The following ARHGAP17 variants were observed in gnomAD, a reference collection of about 807,000 sequenced individuals.
The protein encoded by ARHGAP17 is rho GTPase-activating protein 17.
Under a neutral mutation model 99.5 loss-of-function variants are expected in ARHGAP17, and 57 were observed. That is an observed-to-expected ratio of 0.57 (90% CI 0.46 to 0.71). The LOEUF (loss-of-function observed/expected upper bound fraction) is 0.71, where lower values mean the gene tolerates loss of function less well. Among genes scored for constraint, ARHGAP17 ranks in the 30% least tolerant of loss-of-function variants. The probability of loss-of-function intolerance (pLI) is 0.00; values close to 1 mark genes in which losing one functional copy is unlikely to be tolerated. For missense variants in ARHGAP17, 1,000 were observed against 1,122.4 expected, an observed-to-expected ratio of 0.89 and a Z score of 1.56; for synonymous variants, 417 against 429.6, an observed-to-expected ratio of 0.97 and a Z score of 0.36.
chr16:24,920,508 G>A, intron 19 of ARHGAP17: 1 of 414,680 alleles, frequency 2.4e-6, no homozygotes, highest in Non-Finnish European at 4.4e-6. Context: ...AGCAGCCCTT[G>A]GAGATGCAGC....
At chr16:24,953,066 G>C in intron 10 of ARHGAP17, 24 bp from the exon 11 acceptor site, 5 of 1,608,706 alleles carry the variant, frequency 3.1e-6, no homozygotes, top group Non-Finnish European at 4.3e-6. Context: ...AAAGCCATCA[G>C]CATCAAGTGC....
chr16:24,953,444 A>C (rs905811684), intron 10 of ARHGAP17, among the ~76,000 whole-genome samples: 1 of 152,166 alleles, frequency 6.6e-6, no homozygotes. Flanking sequence ...TGACTGGATC[A>C]TGGGGGTGGA....
intron 13 of ARHGAP17, 88 bp downstream of exon 13, chr16:24,949,316 G>C: frequency 1.0e-6 from 1 of 1,003,816 alleles, no homozygotes; most frequent in Admixed American, 2.6e-5. Context: ...GTTTTTTAAT[G>C]TGCCAAGTAT....
intron 1 of ARHGAP17, among the ~76,000 whole-genome samples, chr16:24,985,960 A>C (rs1455141355): frequency 6.6e-6 from 1 of 152,178 alleles, no homozygotes; most frequent in Non-Finnish European, 1.5e-5. Context: ...ACATTAACCT[A>C]TTCTGTGGAT....
At chr16:24,976,259 G>A (rs1280657297) in intron 3 of ARHGAP17, among the ~76,000 whole-genome samples, 1 of 152,220 alleles carries the variant, frequency 6.6e-6, no homozygotes, top group Non-Finnish European at 1.5e-5. Context: ...AAGTATGGTG[G>A]CTCATGCCTG....
chr16:24,973,918 T>A (rs1472466039), intron 3 of ARHGAP17, among the ~76,000 whole-genome samples: 1 of 152,172 alleles, frequency 6.6e-6, no homozygotes, highest in Admixed American at 6.5e-5. Context: ...ATTTGGGGAC[T>A]GGTGAGTGTT....
intron 19 of ARHGAP17, among the ~76,000 whole-genome samples, chr16:24,922,954 A>C (rs2050753554): frequency 6.6e-6 from 1 of 152,126 alleles, no homozygotes; most frequent in Admixed American, 6.6e-5. Flanking sequence ...TGGGATTACC[A>C]GCATGAGCCA....
At chr16:24,974,773 A>G (rs144132228) in intron 3 of ARHGAP17, among the ~76,000 whole-genome samples, 1 of 152,342 alleles carries the variant, frequency 6.6e-6, no homozygotes, top group East Asian at 1.9e-4. Context: ...TAGAGATGCA[A>G]TGGAGATGAG....
intron 9 of ARHGAP17, chr16:24,956,150 C>G (rs1452489875): frequency 6.6e-6 from 1 of 152,224 alleles, no homozygotes; most frequent in Non-Finnish European, 1.5e-5. Flanking sequence ...TGGAATCACC[C>G]AGGGGGGTTC....
At chr16:24,949,868 A>G (rs2051582720) in intron 12 of ARHGAP17, among the ~76,000 whole-genome samples, 1 of 152,206 alleles carries the variant, frequency 6.6e-6, no homozygotes. Flanking sequence ...CAGCCCAGCC[A>G]CAGATCAGGG....
rs1034092849 is a variant in ARHGAP17 at position 24,954,522 on chromosome 16, G to A, written c.852+81C>T. 3 of 1,524,284 alleles carry A rather than the reference G, an allele frequency of 2.0e-6. No individual in the cohort carries two copies. The African/African-American group carries it at 4.1e-5, about 21-fold the overall frequency. 94.4% of individuals were successfully genotyped at this position (1,524,284 alleles called of 1,614,324 possible). On this transcript the variant is annotated intron_variant, in intron 10 of 19. Transcript: ENST00000289968. ...TGTATAACTAAGCAGGGGTGGACAG[G>A]GGGCTGGCGGGGAGCATGGTGCTCT...
chr16:25,008,800 A>C (rs534373289), intron 1 of ARHGAP17, among the ~76,000 whole-genome samples: 33 of 152,276 alleles, frequency 2.2e-4, no homozygotes, highest in African/African-American at 7.2e-4. Flanking sequence ...TACAGATGAA[A>C]ATTTTCTACT....
intron 17 of ARHGAP17, chr16:24,936,363 A>G (rs1404920824): frequency 6.5e-6 from 1 of 154,686 alleles, no homozygotes; most frequent in African/African-American, 2.4e-5. Context: ...CAAAGAGTGA[A>G]TAACATTAGT....
At chr16:24,982,303 T>C (rs980288567) in intron 1 of ARHGAP17, among the ~76,000 whole-genome samples, 1 of 150,900 alleles carries the variant, frequency 6.6e-6, no homozygotes, top group Non-Finnish European at 1.5e-5. Context: ...ACCTGGGAGG[T>C]TGAGGCACGA....
intron 17 of ARHGAP17, 69 bp downstream of exon 17, chr16:24,939,295 C>G (rs2051240622): frequency 7.0e-7 from 1 of 1,430,344 alleles, no homozygotes. Context: ...ATGCCGTGCT[C>G]AAAGGCCACC....
At chr16:24,997,262 C>T (rs2053221887) in intron 1 of ARHGAP17, among the ~76,000 whole-genome samples, 1 of 150,250 alleles carries the variant, frequency 6.7e-6, no homozygotes, top group Non-Finnish European at 1.5e-5. Context: ...TGGTGCAAGG[C>T]GCCCAGTACA....
chr16:24,983,272 T>A (rs2052757248), intron 1 of ARHGAP17, among the ~76,000 whole-genome samples: 1 of 151,450 alleles, frequency 6.6e-6, no homozygotes, highest in East Asian at 1.9e-4. Context: ...CCCAGAGTGC[T>A]GGGATTATAG....
At position 24,954,658 on chromosome 16, in the gene ARHGAP17, G is replaced by A. The variant is rs1434923038; in HGVS notation, c.797C>T (p.Ala266Val). Residue 266 changes from alanine to valine, a missense_variant, in exon 10 of 20, where the codon GCG becomes GTG. By Grantham distance (64) the Ala-to-Val change is moderately conservative (BLOSUM62 0). Coordinates refer to ENST00000289968, the MANE Select transcript of ARHGAP17 (RefSeq NM_001006634.3). ...CATGACACAGGCTTCAATGGGCAGC[G>A]CAATCTCGCGCCCGCTCCTCTTCAG... The part of the protein sequence containing the change: ...EHLKRSGREI[A>V]LPIEACVMLL... 4 of 1,613,966 alleles carry A rather than the reference G, an allele frequency of 2.5e-6. No homozygotes were observed. The highest frequency in any genetic ancestry group is 2.5e-6 in the Non-Finnish European group (3 of 1,179,928).
At chr16:24,932,197 A>G (rs1318816280) in intron 18 of ARHGAP17, among the ~76,000 whole-genome samples, 1 of 152,164 alleles carries the variant, frequency 6.6e-6, no homozygotes, top group Non-Finnish European at 1.5e-5. Context: ...CATGTAACAC[A>G]TTAACAACAG....
Sources: allele counts gnomAD v4.1 joint callset (sites outside exome capture counted in the v4.1 genomes callset), GRCh38; gene constraint gnomAD v4.1.1; transcripts MANE v1.5; gene names NCBI Gene and HGNC (gene_info 2026-07-23, HGNC 2026-07-21).